SLC8A1: variants seen among roughly 807,000 people sequenced by gnomAD.
SLC8A1 encodes the protein sodium/calcium exchanger 1.
In SLC8A1, 18 loss-of-function variants were observed where a neutral mutation model predicts 68.3. The ratio of observed to expected loss-of-function variants is 0.26; its 90% CI spans 0.18 to 0.39. The LOEUF is 0.39. Ranked by LOEUF, SLC8A1 falls within the 10% of genes least tolerant of loss-of-function variation. The probability of loss-of-function intolerance (pLI) is 1.00; values close to 1 mark genes in which losing one functional copy is unlikely to be tolerated. For missense variants in SLC8A1, 985 were observed against 1,156.7 expected (o/e 0.85, Z 2.15); for synonymous variants, 475 against 415.5 (o/e 1.14, Z -1.74).
chr2:40,416,237 A>G (rs1559592206), intron 2 of SLC8A1, among the ~76,000 whole-genome samples: 1 of 152,166 alleles, frequency 6.6e-6, no homozygotes, highest in South Asian at 2.1e-4. Flanking sequence ...TATCCTAAAT[A>G]CATTGTGACA....
intron 1 of SLC8A1, among the ~76,000 whole-genome samples, chr2:40,508,244 G>T (rs1344910470): frequency 6.6e-6 from 1 of 151,554 alleles, no homozygotes; most frequent in African/African-American, 2.4e-5. Context: ...AAAACACCTG[G>T]TTCAGAAAAT....
intron 2 of SLC8A1, among the ~76,000 whole-genome samples, chr2:40,364,208 CTGA>C (rs1319274867): frequency 8.5e-5 from 13 of 152,070 alleles, no homozygotes; most frequent in Admixed American, 7.9e-4. Flanking sequence ...AACATATCAG[CTGA>C]TATTATTTTC....
chr2:40,228,315 T>C (rs1425035560), intron 2 of SLC8A1, among the ~76,000 whole-genome samples: 1 of 152,210 alleles, frequency 6.6e-6, no homozygotes, highest in Non-Finnish European at 1.5e-5. Context: ...TCAAATATGC[T>C]TATGTAAGAA....
chr2:40,288,793 T>G (rs1318102552), intron 2 of SLC8A1, among the ~76,000 whole-genome samples: 1 of 150,728 alleles, frequency 6.6e-6, no homozygotes, highest in African/African-American at 2.5e-5. Flanking sequence ...CCACAGAATC[T>G]TAAAAAATAC....
intron 2 of SLC8A1, among the ~76,000 whole-genome samples, chr2:40,235,391 G>T (rs1381253120): frequency 6.6e-6 from 1 of 151,712 alleles, no homozygotes; most frequent in African/African-American, 2.4e-5. Context: ...TTGTGTAGAG[G>T]TGTTTGTAGT....
intron 5 of SLC8A1, 58 bp downstream of exon 8, chr2:40,164,796 G>C: frequency 6.2e-7 from 1 of 1,600,886 alleles, no homozygotes; most frequent in Non-Finnish European, 8.5e-7. Context: ...CCAACCCTAT[G>C]AACAGTTTCT....
intron 2 of SLC8A1, among the ~76,000 whole-genome samples, chr2:40,263,525 ACAGAG>A (rs1425543969): frequency 6.6e-6 from 1 of 152,164 alleles, no homozygotes; most frequent in Non-Finnish European, 1.5e-5. Context: ...ATGGAACAGA[ACAGAG>A]CCCTCAGAAA....
intron 1 of SLC8A1, among the ~76,000 whole-genome samples, chr2:40,448,794 G>T (rs757981847): frequency 1.3e-5 from 2 of 151,968 alleles, no homozygotes; most frequent in Non-Finnish European, 2.9e-5. Flanking sequence ...GGTGATATTT[G>T]GATAATATTT....
chr2:40,454,485 T>C (rs1189128192), upstream of SLC8A1, among the ~76,000 whole-genome samples: 1 of 151,620 alleles, frequency 6.6e-6, no homozygotes, highest in Non-Finnish European at 1.5e-5. Flanking sequence ...TAAGACTTTT[T>C]TTTTTTTTTT....
intron 1 of SLC8A1, among the ~76,000 whole-genome samples, chr2:40,484,403 C>T (rs1018000619): frequency 6.6e-6 from 1 of 152,172 alleles, no homozygotes; most frequent in African/African-American, 2.4e-5. Flanking sequence ...CTTGTTTCTA[C>T]CCATGCTCCA....
chr2:40,378,139 G>T (rs527417253), intron 2 of SLC8A1, among the ~76,000 whole-genome samples: 1 of 152,168 alleles, frequency 6.6e-6, no homozygotes, highest in East Asian at 1.9e-4. Flanking sequence ...TTAAATTCTG[G>T]TGAAAGGGAA....
intron 2 of SLC8A1, among the ~76,000 whole-genome samples, chr2:40,331,018 T>C (rs919675683): frequency 6.6e-6 from 1 of 152,144 alleles, no homozygotes; most frequent in Non-Finnish European, 1.5e-5. Flanking sequence ...AATCTTATGA[T>C]AGGTTTTGAG....
chr2:40,456,338 A>AG (rs1299159553), upstream of SLC8A1, among the ~76,000 whole-genome samples: 1 of 149,720 alleles, frequency 6.7e-6, no homozygotes, highest in Non-Finnish European at 1.5e-5. Context: ...AAAAAAAAAA[A>AG]AAGAATTGGG....
intron 2 of SLC8A1, chr2:40,255,332 G>A (rs569953929): frequency 2.0e-5 from 3 of 152,278 alleles, no homozygotes; most frequent in Admixed American, 6.5e-5. Flanking sequence ...CCATGGCAGG[G>A]ATACAGATCC....
At chr2:40,245,633 G>T (rs956027253) in intron 2 of SLC8A1, among the ~76,000 whole-genome samples, 3 of 151,786 alleles carry the variant, frequency 2.0e-5, no homozygotes, top group African/African-American at 7.3e-5. Flanking sequence ...CAAACCAGAC[G>T]TCTTTGCATT....
intron 2 of SLC8A1, among the ~76,000 whole-genome samples, chr2:40,387,031 C>G (rs1683784339): frequency 6.6e-6 from 1 of 151,288 alleles, no homozygotes; most frequent in Non-Finnish European, 1.5e-5. Flanking sequence ...TCACAGAGAT[C>G]AAATTGTACA....
chr2:40,291,340 T>C (rs78285432), intron 2 of SLC8A1, among the ~76,000 whole-genome samples: 1,824 of 152,310 alleles, frequency 0.012, 38 homozygotes, highest in African/African-American at 0.042. Context: ...GCTTTATAGC[T>C]GAGTTTCTCA....
chr2:40,431,258 C>T (rs769642157), intron 1 of SLC8A1, among the ~76,000 whole-genome samples: 1 of 150,952 alleles, frequency 6.6e-6, no homozygotes, highest in Non-Finnish European at 1.5e-5. Context: ...TTCTCGGTGT[C>T]GGTCATATTT....
intron 2 of SLC8A1, among the ~76,000 whole-genome samples, chr2:40,288,304 T>G (rs2149217972): frequency 6.6e-6 from 1 of 152,316 alleles, no homozygotes; most frequent in East Asian, 1.9e-4. Flanking sequence ...AGCTAATCAT[T>G]TGCTATTTAA....
Sources: gnomAD v4.1 joint callset for allele counts (sites outside exome capture counted in the v4.1 genomes callset) on GRCh38, gnomAD v4.1.1 for gene constraint, MANE v1.5 for transcripts, NCBI Gene and HGNC (gene_info 2026-07-23, HGNC 2026-07-21) for gene names.